The following VPS54 variants were observed in gnomAD, a reference collection of about 807,000 sequenced individuals.
The protein encoded by VPS54 is vacuolar protein sorting-associated protein 54.
A neutral mutation model predicts 121.5 loss-of-function variants in VPS54; 45 were observed. The observed-to-expected ratio is 0.37, with a 90% CI of 0.29 to 0.47. The LOEUF is 0.47. Ranked by LOEUF, VPS54 falls within the 20% of genes least tolerant of loss-of-function variation. The pLI is 0.99. For synonymous variants in VPS54, 371 were observed against 385.8 expected, an observed-to-expected ratio of 0.96 and a Z score of 0.45; for missense variants, 1,090 against 1,131.4, an observed-to-expected ratio of 0.96 and a Z score of 0.52.
At chr2:63,999,560 G>A (rs563061469) in intron 1 of VPS54, among the ~76,000 whole-genome samples, 32 of 152,130 alleles carry the variant, frequency 2.1e-4, no homozygotes, top group South Asian at 8.3e-4. Flanking sequence ...TAAATGTCTC[G>A]AGTTAGTCCT....
chr2:63,893,490 G>A lies in VPS54; in HGVS notation c.2874C>T (p.Ala958=), dbSNP rs1202649991. 6.2e-7 allele frequency: 1 copy of A among 1,613,848 alleles called. No homozygotes were observed. The highest frequency in any genetic ancestry group is 1.3e-5 in the African/African-American group (1 of 74,882). Residue 958 remains alanine (A), a synonymous_variant, in exon 23 of 23, where the codon GCC becomes GCT. Coordinates refer to ENST00000272322, the MANE Select transcript of VPS54 (RefSeq NM_016516.3). ...GGTCCAAATCTTTAAGGCCTTTTAA[G>A]GCTTGAAGATTTCCAGTGTAAAAAG... The part of the protein sequence containing the change: ...DVAFYTGNLQ[A]LKGLKDLDLN...
chr2:63,915,706 G>A (rs1303353288), intron 16 of VPS54, among the ~76,000 whole-genome samples: 2 of 152,200 alleles, frequency 1.3e-5, no homozygotes, highest in Middle Eastern at 3.4e-3. Flanking sequence ...GAAGACTGAA[G>A]AAAGCTTTCC....
At chr2:63,901,785 G>T (rs1185721367) in intron 20 of VPS54, among the ~76,000 whole-genome samples, 1 of 152,184 alleles carries the variant, frequency 6.6e-6, no homozygotes, top group Non-Finnish European at 1.5e-5. Flanking sequence ...GGAGACCAAG[G>T]AGGGTGGATC....
At chr2:63,932,616 T>C (rs1674263718) in intron 12 of VPS54, among the ~76,000 whole-genome samples, 1 of 150,332 alleles carries the variant, frequency 6.7e-6, no homozygotes. Flanking sequence ...GTAACAAAAC[T>C]GCACTTTCTG....
In VPS54 at chr2:63,949,103, T is replaced by A. The variant is rs775060805; in HGVS notation, c.1071A>T (p.Glu357Asp). ...EKLIDKMMIAEFSTYSHSDLN... is the reference protein window; with the variant it reads ...EKLIDKMMIADFSTYSHSDLN... ...AGTCACTGTGAGAATAAGTAGAAAATTCTGCAATCATCATTTTATCTATCA... is the reference window on the plus strand; with the variant it reads ...AGTCACTGTGAGAATAAGTAGAAAAATCTGCAATCATCATTTTATCTATCA... Residue 357 changes from glutamate (E) to aspartate (D), a missense_variant, in exon 8 of 23, where the codon GAA (glutamate) becomes GAT (aspartate). This residue lies in a region of VPS54 where 801 missense variants were observed against 757.0 expected (regional missense o/e 1.06). Transcript: ENST00000272322. The A allele has an allele frequency of 6.2e-7, 1 of 1,611,644 alleles. No homozygotes were observed. The highest frequency in any genetic ancestry group is 1.1e-5 in the South Asian group (1 of 90,728).
At chr2:63,935,667 A>G (rs1221647499) in intron 11 of VPS54, among the ~76,000 whole-genome samples, 1 of 152,200 alleles carries the variant, frequency 6.6e-6, no homozygotes, top group African/African-American at 2.4e-5. Flanking sequence ...AGTTCTAAAT[A>G]GCCCACTCAG....
At chr2:63,923,723 T>C (rs967176936) in intron 12 of VPS54, among the ~76,000 whole-genome samples, 1 of 152,268 alleles carries the variant, frequency 6.6e-6, no homozygotes, top group African/African-American at 2.4e-5. Flanking sequence ...TCCTATTTCC[T>C]GCCTAGAAAA....
At chr2:64,017,413 A>T (rs1268401965) in intron 1 of VPS54, among the ~76,000 whole-genome samples, 1 of 152,172 alleles carries the variant, frequency 6.6e-6, no homozygotes, top group Non-Finnish European at 1.5e-5. Context: ...TTCATGGGCT[A>T]TATAGGAATT....
intron 11 of VPS54, among the ~76,000 whole-genome samples, chr2:63,937,026 C>T (rs905119937): frequency 6.6e-6 from 1 of 152,002 alleles, no homozygotes; most frequent in Non-Finnish European, 1.5e-5. Context: ...TAAATATAAG[C>T]TCTAAAAATA....
chr2:64,013,876 A>T (rs1678563092), intron 1 of VPS54, among the ~76,000 whole-genome samples: 1 of 151,820 alleles, frequency 6.6e-6, no homozygotes, highest in African/African-American at 2.4e-5. Flanking sequence ...TGATTCTGAA[A>T]GAAAGGTGAC....
At chr2:63,923,959 T>C (rs112551168) in intron 12 of VPS54, among the ~76,000 whole-genome samples, 25 of 152,374 alleles carry the variant, frequency 1.6e-4, no homozygotes, top group African/African-American at 5.3e-4. Flanking sequence ...CATATAAGTA[T>C]ACTCAATTCA....
In VPS54 at chr2:63,893,349, C is replaced by T. The variant is rs1454711613; in HGVS notation, c.*81G>A. 8.0e-7 allele frequency: 1 copy of T among 1,251,776 alleles called. No homozygotes were observed. The highest frequency in any genetic ancestry group is 1.2e-5 in the South Asian group (1 of 83,786). 77.5% of individuals were successfully genotyped at this position (1,251,776 alleles called of 1,614,324 possible). A position where few individuals can be genotyped will look rare whatever the true frequency, so the allele number is the denominator to read the frequency against. The stretch of plus-strand genomic sequence containing the variant: ...TTCACTTTGGGTTTCAGGTTCAATT[C>T]TCGAATCACAGGCATCCAGATTTTC... On this transcript the variant is annotated 3_prime_UTR_variant, in exon 23 of 23. Coordinates refer to ENST00000272322, the MANE Select transcript of VPS54 (RefSeq NM_016516.3).
intron 2 of VPS54, among the ~76,000 whole-genome samples, chr2:63,982,681 A>T (rs1676852755): frequency 6.6e-6 from 1 of 152,232 alleles, no homozygotes; most frequent in African/African-American, 2.4e-5. Context: ...GGGACATCAT[A>T]GCCTTCTTGC....
chr2:63,996,996 G>A (rs1677628664), intron 1 of VPS54, among the ~76,000 whole-genome samples: 1 of 152,076 alleles, frequency 6.6e-6, no homozygotes, highest in African/African-American at 2.4e-5. Flanking sequence ...GGGCATCACG[G>A]AACCTGCTGA....
Position 63,892,381 on chromosome 2 carries a change from AATTTTGAAGGTAGGT to A in VPS54, c.*1034_*1048del, listed in dbSNP as rs1368195499. On this transcript the variant is annotated 3_prime_UTR_variant, in exon 23 of 23. Coordinates refer to ENST00000272322, the MANE Select transcript of VPS54 (RefSeq NM_016516.3). ...TTATTTGTACAGTGCTGCTGATTCT[AATTTTGAAGGTAGGT>A]ATTATAAAAGTCTTTACTTGTCACC... 1 of 152,194 alleles carries A rather than the reference AATTTTGAAGGTAGGT, an allele frequency of 6.6e-6. No homozygotes were observed. The highest frequency in any genetic ancestry group is 1.5e-5 in the Non-Finnish European group (1 of 68,030). The allele number at this position is 152,194 out of a possible 1,614,324, so 9.4% of individuals were successfully genotyped here.
intron 1 of VPS54, among the ~76,000 whole-genome samples, chr2:64,000,329 C>T (rs1471558736): frequency 2.0e-5 from 3 of 152,192 alleles, no homozygotes. Context: ...GTTTTCTCAA[C>T]ACAGCTGTTT....
chr2:64,009,324 C>CT (rs915121525), intron 1 of VPS54, among the ~76,000 whole-genome samples: 26 of 151,160 alleles, frequency 1.7e-4, no homozygotes, highest in East Asian at 7.8e-4. Flanking sequence ...ATTTTCTTTT[C>CT]TTTTTTTTTG....
chr2:63,952,527 T>C (rs1675300348), intron 7 of VPS54, among the ~76,000 whole-genome samples: 1 of 152,186 alleles, frequency 6.6e-6, no homozygotes, highest in African/African-American at 2.4e-5. Context: ...TATAACACAA[T>C]TTTTAAAAAA....
chr2:64,005,089 CTTTTTTTTTTTTTT>C (rs764515091), intron 1 of VPS54, among the ~76,000 whole-genome samples: 7 of 44,102 alleles, frequency 1.6e-4, no homozygotes, highest in Admixed American at 7.4e-4. Context: ...ACTATTGCTT[CTTTTTTTTTTTTTT>C]TTTTTTTTTT....
Sources: gnomAD v4.1 joint callset for allele counts (sites outside exome capture counted in the v4.1 genomes callset) on GRCh38, gnomAD v4.1.1 for gene constraint, gnomAD v4.1.1 regional missense constraint, MANE v1.5 for transcripts, NCBI Gene and HGNC (gene_info 2026-07-23, HGNC 2026-07-21) for gene names.